Variants in ABCA12 observed in about 807,000 individuals in gnomAD.
ABCA12 encodes ATP binding cassette subfamily A member 12.
ABCA12 carries 156 observed loss-of-function variants against 293.5 expected under a neutral mutation model. The observed-to-expected ratio is 0.53, with a 90% CI of 0.47 to 0.61. The LOEUF is 0.61. Ranked by LOEUF, ABCA12 falls within the 20% of genes least tolerant of loss-of-function variation. The pLI is 0.00. For synonymous variants in ABCA12, 1,063 were observed against 1,108.0 expected, an observed-to-expected ratio of 0.96 and a Z score of 0.81; for missense variants, 2,797 against 3,090.2, an observed-to-expected ratio of 0.91 and a Z score of 2.25.
intron 37 of ABCA12, among the ~76,000 whole-genome samples, chr2:214,969,377 G>A (rs1350373042): frequency 6.6e-6 from 1 of 151,996 alleles, no homozygotes; most frequent in Non-Finnish European, 1.5e-5. Context: ...GTAATTTTAA[G>A]AATAGGTTAA....
At position 215,073,100 on chromosome 2, in the gene ABCA12, A is replaced by C. The variant is rs537631425; in HGVS notation, c.164-8881T>G. Among the ~76,000 whole-genome samples, 18 of 152,306 alleles carry C rather than the reference A, an allele frequency of 1.2e-4. No homozygotes were observed. The East Asian group carries it at 1.9e-3, about 16-fold the overall frequency. ...ACAGAGCAAGAGTCTGCCTCCAAAAAAAAAGAAAGAAAGAAAAGAAACAAG... is the reference window on the plus strand; with the variant it reads ...ACAGAGCAAGAGTCTGCCTCCAAAACAAAAGAAAGAAAGAAAAGAAACAAG... On this transcript the variant is annotated intron_variant, in intron 2 of 52. Transcript: ENST00000272895.
intron 1 of ABCA12, among the ~76,000 whole-genome samples, chr2:215,135,225 C>T (rs1043135290): frequency 4.6e-5 from 7 of 152,180 alleles, no homozygotes; most frequent in African/African-American, 1.7e-4. Flanking sequence ...TCCCAAAGTG[C>T]CGGGATTACA....
At chr2:214,981,632 A>G (rs1699657054) in intron 30 of ABCA12, among the ~76,000 whole-genome samples, 1 of 152,198 alleles carries the variant, frequency 6.6e-6, no homozygotes, top group South Asian at 2.1e-4. Context: ...AATCTTCAGA[A>G]AAGAAAGAGC....
chr2:215,028,786 A>G (rs1700807227), intron 9 of ABCA12, among the ~76,000 whole-genome samples: 1 of 152,194 alleles, frequency 6.6e-6, no homozygotes, highest in Admixed American at 6.5e-5. Flanking sequence ...AGTTTCATGG[A>G]CTGTAGTCTA....
At chr2:215,101,399 C>G (rs987509509) in intron 2 of ABCA12, among the ~76,000 whole-genome samples, 3 of 152,164 alleles carry the variant, frequency 2.0e-5, no homozygotes, top group Non-Finnish European at 4.4e-5. Flanking sequence ...CCAACTCCAC[C>G]TCCACCTCCA....
rs935326571 is a variant in ABCA12, at chr2:215,117,129, G to A, written c.70-5439C>T. ...TTCTAGAAAAGAAGTTATTTGTGCT[G>A]TTCTTGCAACATTTCTGTAAATTTG... On this transcript the variant is annotated intron_variant, in intron 1 of 52. Transcript: ENST00000272895. 1.1e-4 allele frequency among the ~76,000 whole-genome samples: 16 copies of A among 152,164 alleles called. 1 individual carries two copies. Among genetic ancestry groups the A allele is most frequent in the African/African-American group, 3.6e-4 (15 of 41,448 alleles).
intron 24 of ABCA12, among the ~76,000 whole-genome samples, chr2:214,990,039 A>G (rs1316575543): frequency 1.3e-5 from 2 of 152,226 alleles, no homozygotes; most frequent in East Asian, 3.8e-4. Context: ...ATACTAAAAT[A>G]TCAGTTGATT....
rs1042765198 is a variant in ABCA12 at position 214,978,413 on chromosome 2, C to T, written c.5031G>A (p.Glu1677=). Residue 1677 remains glutamate, a synonymous_variant, in exon 33 of 53, where the codon GAG becomes GAA. Transcript: ENST00000272895. ...ESQKNSAMSL[E]HLTQKKIGNS... ...TCCCAATTTTCTTTTGTGTTAAGTG[C>T]TCAAGACTCATAGCACTATTTTTTT... 1.1e-5 allele frequency: 17 copies of T among 1,613,682 alleles called. 1 individual carries two copies. The highest frequency in any genetic ancestry group is 1.6e-4 in the Middle Eastern group (1 of 6,082).
intron 19 of ABCA12, among the ~76,000 whole-genome samples, chr2:215,006,070 CT>C (rs1700247102): frequency 6.6e-6 from 1 of 152,108 alleles, no homozygotes; most frequent in African/African-American, 2.4e-5. Flanking sequence ...ATTAATTTTG[CT>C]CTGGACAGAA....
intron 2 of ABCA12, chr2:215,075,876 G>A: frequency 2.7e-6 from 1 of 373,066 alleles, no homozygotes; most frequent in Non-Finnish European, 4.8e-6. Context: ...TCATTGTATG[G>A]AAAAAAAATA....
intron 11 of ABCA12, among the ~76,000 whole-genome samples, chr2:215,020,543 G>A (rs1700606433): frequency 1.3e-5 from 2 of 152,164 alleles, no homozygotes; most frequent in Non-Finnish European, 2.9e-5. Flanking sequence ...TAGAAGATGA[G>A]GAGTTGTTTA....
Position 214,969,107 on chromosome 2 carries a change from A to G in ABCA12, c.5691-300T>C, listed in dbSNP as rs555038102. ...TTTCTCCAACTTAACTGACCCATCT[A>G]CCATCTCAAATATCTTAATATTTTA... On this transcript the variant is annotated intron_variant, in intron 37 of 52. Coordinates refer to ENST00000272895, the MANE Select transcript of ABCA12 (RefSeq NM_173076.3). Among the ~76,000 whole-genome samples the G allele has an allele frequency of 2.0e-5, 3 of 152,150 alleles. No individual in the cohort carries two copies. The South Asian group carries it at 6.2e-4, about 32-fold the overall frequency.
At chr2:215,124,661 T>A (rs569366447) in intron 1 of ABCA12, among the ~76,000 whole-genome samples, 378 of 152,328 alleles carry the variant, frequency 2.5e-3, no homozygotes, top group Non-Finnish European at 4.0e-3. Context: ...GTTTGTTTTT[T>A]TCTTGCTGAT....
At chr2:215,003,937 G>A (rs1475079234) in intron 20 of ABCA12, among the ~76,000 whole-genome samples, 7 of 152,092 alleles carry the variant, frequency 4.6e-5, no homozygotes, top group Non-Finnish European at 8.8e-5. Context: ...CGAAGTGCTG[G>A]GATTATAGGC....
chr2:214,983,686 G>T lies in ABCA12; in HGVS notation c.4343C>A (p.Pro1448His). Reference sequence around the variant, plus strand: ...GTGGAGCTGCTTTTTAGTCCAGTGAGGAACTTTGATGGAACCATATAGGAG... The same window carrying T: ...GTGGAGCTGCTTTTTAGTCCAGTGATGAACTTTGATGGAACCATATAGGAG... ...HLLLYGSIKV[P>H]HWTKKQLHEE... is the part of the protein sequence containing the mutation. Residue 1448 changes from proline to histidine, a missense_variant, in exon 29 of 53, where the codon CCT becomes CAT. Physicochemically the swap from Pro to His is moderately conservative, Grantham distance 77. This residue lies in a region of ABCA12 where 2,130 missense variants were observed against 2,427.0 expected (regional missense o/e 0.88). Coordinates refer to ENST00000272895, the MANE Select transcript of ABCA12 (RefSeq NM_173076.3). 1.2e-6 allele frequency: 2 copies of T among 1,614,020 alleles called. No individual in the cohort carries two copies. Among genetic ancestry groups the T allele is most frequent in the Non-Finnish European group, 1.7e-6 (2 of 1,179,978 alleles).
chr2:214,983,509 A>T, intron 29 of ABCA12, 138 bp downstream of exon 29: 1 of 826,428 alleles, frequency 1.2e-6, no homozygotes, highest in Admixed American at 2.0e-5. Context: ...TGCAATATTA[A>T]ATAAGTAGAA....
At chr2:215,042,865 C>A (rs73072665) in intron 7 of ABCA12, among the ~76,000 whole-genome samples, 3,684 of 152,232 alleles carry the variant, frequency 0.024, 163 homozygotes, top group African/African-American at 0.084. Flanking sequence ...TTTCACCCAA[C>A]CTCTGGTAAT....
At chr2:215,008,402 C>A (rs1156998413) in intron 18 of ABCA12, among the ~76,000 whole-genome samples, 1 of 151,932 alleles carries the variant, frequency 6.6e-6, no homozygotes, top group Non-Finnish European at 1.5e-5. Flanking sequence ...GAAAAACACA[C>A]ACACACACAC....
At chr2:215,062,309 C>T (rs1701544768) in intron 3 of ABCA12, among the ~76,000 whole-genome samples, 1 of 151,998 alleles carries the variant, frequency 6.6e-6, no homozygotes, top group South Asian at 2.1e-4. Flanking sequence ...CTTCTTCCAT[C>T]CCACCTTTGC....
Sources: gnomAD v4.1 joint callset for allele counts (sites outside exome capture counted in the v4.1 genomes callset) on GRCh38, gnomAD v4.1.1 for gene constraint, gnomAD v4.1.1 regional missense constraint, MANE v1.5 for transcripts, NCBI Gene and HGNC (gene_info 2026-07-23, HGNC 2026-07-21) for gene names.